Variants in PDE1A observed in about 807,000 individuals in gnomAD.
PDE1A encodes phosphodiesterase 1A, also known as dual specificity calcium/calmodulin-dependent 3',5'-cyclic nucleotide phosphodiesterase 1A.
A neutral mutation model predicts 61.7 loss-of-function variants in PDE1A; 35 were observed. The ratio of observed to expected loss-of-function variants is 0.57; its 90% confidence interval spans 0.43 to 0.75. The LOEUF is 0.75. Ranked by LOEUF, PDE1A falls within the 30% of genes least tolerant of loss-of-function variation. The probability of loss-of-function intolerance (pLI) is 0.00; values close to 1 mark genes in which losing one functional copy is unlikely to be tolerated. For missense variants in PDE1A, 597 were observed against 630.6 expected (o/e 0.95, Z 0.57); for synonymous variants, 232 against 213.2 (o/e 1.09, Z -0.77).
chr2:182,524,318 C>A (rs1351343173), upstream of PDE1A, among the ~76,000 whole-genome samples: 1 of 152,166 alleles, frequency 6.6e-6, no homozygotes, highest in East Asian at 1.9e-4. Context: ...AATCAAGATA[C>A]CTAAGTCCTT....
intron 1 of PDE1A, among the ~76,000 whole-genome samples, chr2:182,401,626 T>C (rs766940552): frequency 5.9e-5 from 9 of 152,200 alleles, no homozygotes; most frequent in Non-Finnish European, 1.3e-4. Context: ...CAAGCAAGGA[T>C]GCCCTTTCTC....
chr2:182,365,947 T>C (rs150885942), intron 1 of PDE1A, among the ~76,000 whole-genome samples: 10 of 152,044 alleles, frequency 6.6e-5, no homozygotes, highest in African/African-American at 2.2e-4. Flanking sequence ...CCCTCCGAGG[T>C]GTACTGTCAA....
At chr2:182,679,725 C>A in the PDE1A span, among the ~76,000 whole-genome samples, 2 of 152,054 alleles carry the variant, frequency 1.3e-5, no homozygotes, top group South Asian at 4.1e-4. Flanking sequence ...AAGAAGCAGA[C>A]TCAGTATCAC....
chr2:182,185,840 GGAGAAGTGAAGACA>G, intron 13 of PDE1A, 38 bp downstream of exon 13: 1 of 1,610,788 alleles, frequency 6.2e-7, no homozygotes. Context: ...AACTCTTAGA[GGAGAAGTGAAGACA>G]GAGAGAGATG....
At chr2:182,408,075 A>G (rs1702402637) in intron 1 of PDE1A, among the ~76,000 whole-genome samples, 1 of 151,700 alleles carries the variant, frequency 6.6e-6, no homozygotes, top group African/African-American at 2.4e-5. Flanking sequence ...TAAAAAGGAG[A>G]CCAGGGAGAT....
chr2:182,217,983 G>A (rs1477648521), intron 7 of PDE1A, among the ~76,000 whole-genome samples: 8 of 150,312 alleles, frequency 5.3e-5, no homozygotes, highest in Admixed American at 2.7e-4. Context: ...TGTTTATTGC[G>A]GCACTATTCA....
intron 10 of PDE1A, among the ~76,000 whole-genome samples, chr2:182,189,772 G>C (rs1248420165): frequency 6.6e-6 from 1 of 152,190 alleles, no homozygotes; most frequent in South Asian, 2.1e-4. Flanking sequence ...AAAGGTTGCT[G>C]TTCTGGTCAA....
chr2:182,673,170 C>T, the PDE1A span, among the ~76,000 whole-genome samples: 1 of 152,192 alleles, frequency 6.6e-6, no homozygotes, highest in Non-Finnish European at 1.5e-5. Flanking sequence ...CCATTTTAAA[C>T]ATATCATTGC....
chr2:182,473,835 G>GT (rs1487891458), intron 2 of PDE1A, among the ~76,000 whole-genome samples: 1 of 151,848 alleles, frequency 6.6e-6, no homozygotes, highest in Non-Finnish European at 1.5e-5. Flanking sequence ...TTTTTCATGG[G>GT]TGTATAATAT....
the PDE1A span, among the ~76,000 whole-genome samples, chr2:182,627,652 A>C: frequency 3.3e-5 from 5 of 151,700 alleles, no homozygotes; most frequent in African/African-American, 1.2e-4. Flanking sequence ...GTTAAAAATT[A>C]ATTCAAATTG....
At chr2:182,229,921 C>T in intron 6 of PDE1A, 85 bp downstream of exon 6, 1 of 962,982 alleles carries the variant, frequency 1.0e-6, no homozygotes, top group Non-Finnish European at 1.6e-6. Flanking sequence ...CCTCTATGGG[C>T]ATTAAAGAGA....
the PDE1A span, among the ~76,000 whole-genome samples, chr2:182,589,283 G>GGAAGGAAA: frequency 1.4e-5 from 2 of 147,380 alleles, no homozygotes; most frequent in African/African-American, 5.0e-5. Flanking sequence ...AAGGAAGGAA[G>GGAAGGAAA]GAAGGAAGGA....
intron 13 of PDE1A, among the ~76,000 whole-genome samples, chr2:182,174,423 G>A (rs545480948): frequency 5.3e-5 from 8 of 152,200 alleles, no homozygotes; most frequent in South Asian, 4.2e-4. Context: ...CTCTGAAACC[G>A]AAAGGAAGAC....
upstream of PDE1A, among the ~76,000 whole-genome samples, chr2:182,431,272 A>G (rs1193999059): frequency 1.3e-5 from 2 of 152,046 alleles, no homozygotes; most frequent in Admixed American, 1.3e-4. Flanking sequence ...CTTTTTTGAC[A>G]TATCATACAT....
chr2:182,360,615 A>G (rs1002126356), intron 1 of PDE1A, among the ~76,000 whole-genome samples: 2 of 151,402 alleles, frequency 1.3e-5, no homozygotes. Context: ...ACGCATGTAG[A>G]GACCTGCAAA....
chr2:182,712,866 A>T, the PDE1A span, among the ~76,000 whole-genome samples: 4 of 152,056 alleles, frequency 2.6e-5, no homozygotes, highest in African/African-American at 9.7e-5. Flanking sequence ...CAGTTTTTTT[A>T]AATTAAATAA....
At chr2:182,483,926 A>G (rs1430141) in intron 2 of PDE1A, among the ~76,000 whole-genome samples, 38,775 of 151,770 alleles carry the variant, frequency 0.26, 5,188 homozygotes, top group Middle Eastern at 0.42. Flanking sequence ...GAAAGAGTAG[A>G]CATCACTATG....
At chr2:182,460,328 G>A (rs1686199152) in intron 2 of PDE1A, among the ~76,000 whole-genome samples, 1 of 152,068 alleles carries the variant, frequency 6.6e-6, no homozygotes, top group Non-Finnish European at 1.5e-5. Flanking sequence ...CTTCCCCAGT[G>A]TTACTTCCCA....
At chr2:182,154,574 C>T (rs939968746) in intron 13 of PDE1A, among the ~76,000 whole-genome samples, 42 of 152,196 alleles carry the variant, frequency 2.8e-4, no homozygotes, top group Middle Eastern at 3.4e-3. Flanking sequence ...ATAAGTCTCA[C>T]GAGATCTGAT....
Sources: allele counts gnomAD v4.1 joint callset (sites outside exome capture counted in the v4.1 genomes callset), GRCh38; gene constraint gnomAD v4.1.1; transcripts MANE v1.5; gene names NCBI Gene and HGNC (gene_info 2026-07-23, HGNC 2026-07-21).